Variants in GALNT16 observed in about 807,000 individuals in gnomAD.
GALNT16 encodes UDP-GalNAc:polypeptide N-acetylgalactosaminyltransferase-like protein 1.
In GALNT16, 40 loss-of-function variants were observed where a neutral mutation model predicts 76.1. The observed-to-expected ratio is 0.53, with a 90% confidence interval of 0.41 to 0.68. GALNT16 has a LOEUF of 0.68. Ranked by LOEUF, GALNT16 falls within the 30% of genes least tolerant of loss-of-function variation. The pLI is 0.00. For synonymous variants in GALNT16, 276 were observed against 285.2 expected (o/e 0.97, Z 0.32); for missense variants, 621 against 731.9 (o/e 0.85, Z 1.75).
At chr14:69,321,479 T>C (rs1014412496) in intron 2 of GALNT16, among the ~76,000 whole-genome samples, 3 of 152,140 alleles carry the variant, frequency 2.0e-5, no homozygotes, top group Non-Finnish European at 4.4e-5. Context: ...GTCTAGAGGG[T>C]GAAAGTCACC....
chr14:69,345,950 G>A (rs552410819), intron 12 of GALNT16, among the ~76,000 whole-genome samples: 7 of 152,158 alleles, frequency 4.6e-5, no homozygotes, highest in African/African-American at 1.7e-4. Flanking sequence ...TGCAGTGGTG[G>A]CATTATGGCT....
At chr14:69,277,084 G>A (rs1480473452) in intron 1 of GALNT16, among the ~76,000 whole-genome samples, 2 of 152,314 alleles carry the variant, frequency 1.3e-5, no homozygotes, top group East Asian at 1.9e-4. Flanking sequence ...CAAGAGAGAC[G>A]AGATCCCAGG....
intron 1 of GALNT16, among the ~76,000 whole-genome samples, chr14:69,313,465 G>A (rs2045056437): frequency 6.6e-6 from 1 of 152,204 alleles, no homozygotes; most frequent in Admixed American, 6.5e-5. Flanking sequence ...CCTTGGCCTA[G>A]CCTTAGGTAG....
chr14:69,341,671 C>T lies in GALNT16; in HGVS notation c.1188-10C>T, dbSNP rs370693031. On this transcript the variant is annotated splice_polypyrimidine_tract_variant and intron_variant, in intron 11 of 14. Transcript: ENST00000448469. The stretch of plus-strand genomic sequence containing the variant: ...GCAGGCCAAAGCCCAAGCCCTGCCT[C>T]CTCCTACAGTGTGGCTACGCGGATA... 177 of 1,601,802 alleles carry T rather than the reference C, an allele frequency of 1.1e-4. No individual in the cohort carries two copies. The African/African-American group carries it at 2.0e-3, about 18-fold the overall frequency.
chr14:69,311,970 A>C (rs2045027517), intron 1 of GALNT16, among the ~76,000 whole-genome samples: 1 of 152,056 alleles, frequency 6.6e-6, no homozygotes, highest in African/African-American at 2.4e-5. Flanking sequence ...TGGGAGGCCA[A>C]GGCAGGAGGA....
At chr14:69,305,142 T>C (rs1193973894) in intron 1 of GALNT16, among the ~76,000 whole-genome samples, 1 of 151,876 alleles carries the variant, frequency 6.6e-6, no homozygotes, top group African/African-American at 2.4e-5. Context: ...CTTTTTTTTT[T>C]TTTTATAATA....
At chr14:69,270,955 T>TGAA (rs72520608) in intron 1 of GALNT16, among the ~76,000 whole-genome samples, 113,276 of 151,814 alleles carry the variant, frequency 0.75, 43,932 homozygotes, top group East Asian at 1. Flanking sequence ...AGAGGCCGGA[T>TGAA]GAAGGAGAAC....
upstream of GALNT16, chr14:69,260,014 G>A (rs1391863690): frequency 5.6e-6 from 2 of 355,502 alleles, no homozygotes; most frequent in Non-Finnish European, 1.0e-5. Flanking sequence ...GTCAGCCGGC[G>A]GCGGCTGGAG....
chr14:69,333,943 C>T lies in GALNT16; in HGVS notation c.967+343C>T. ...CTTACACACGTGGCTGCTTCCCTAC[C>T]AGCAAGGCTGGGAGGTGTGTGGTAG... On this transcript the variant is annotated intron_variant, in intron 9 of 14. Transcript: ENST00000448469. This position sits in a 1 kb window ranked among gnomAD's most constrained non-coding sequence, Gnocchi z 4.2. Among the ~76,000 whole-genome samples the T allele has an allele frequency of 6.7e-6, 1 of 150,196 alleles. No homozygotes were observed. Among genetic ancestry groups the T allele is most frequent in the East Asian group, 2.0e-4 (1 of 4,922 alleles).
chr14:69,298,457 G>A (rs2044798939), intron 1 of GALNT16: 1 of 152,368 alleles, frequency 6.6e-6, no homozygotes. Context: ...CAACCTGTTG[G>A]TAGGGAATGA....
the GALNT16 span, among the ~76,000 whole-genome samples, chr14:69,380,949 G>C: frequency 3.3e-5 from 5 of 152,152 alleles, no homozygotes. Context: ...CTCCTACATA[G>C]TTTCTATTTT....
chr14:69,321,117 C>G (rs896742068), intron 2 of GALNT16, among the ~76,000 whole-genome samples: 3 of 152,184 alleles, frequency 2.0e-5, no homozygotes, highest in Non-Finnish European at 4.4e-5. Flanking sequence ...GGCGCCCCAG[C>G]AAAAGTGACC....
chr14:69,367,482 T>G, the GALNT16 span, among the ~76,000 whole-genome samples: 1 of 151,912 alleles, frequency 6.6e-6, no homozygotes, highest in African/African-American at 2.4e-5. Context: ...CACCAGCACC[T>G]AACCATCCTG....
chr14:69,271,300 T>G (rs1022686256), intron 1 of GALNT16, among the ~76,000 whole-genome samples: 1 of 152,028 alleles, frequency 6.6e-6, no homozygotes, highest in Non-Finnish European at 1.5e-5. Context: ...GGGGTGAGGA[T>G]GGGCTAGCTC....
chr14:69,328,702 T>C, intron 6 of GALNT16, 131 bp downstream of exon 6: 1 of 822,008 alleles, frequency 1.2e-6, no homozygotes, highest in Middle Eastern at 3.4e-4. Flanking sequence ...TACTTCCCCC[T>C]GAGTGACTTC....
intron 1 of GALNT16, among the ~76,000 whole-genome samples, chr14:69,286,318 T>C (rs2044611278): frequency 6.6e-6 from 1 of 151,936 alleles, no homozygotes. Flanking sequence ...TTTTTTTTTT[T>C]TGAGATGAAG....
chr14:69,364,757 C>T, the GALNT16 span, among the ~76,000 whole-genome samples: 1 of 152,118 alleles, frequency 6.6e-6, no homozygotes, highest in Non-Finnish European at 1.5e-5. The surrounding 1 kb of genome is among the most constrained non-coding windows in gnomAD (Gnocchi z 4.2). Flanking sequence ...TGCTTAGGAG[C>T]CACTCACATT....
intron 1 of GALNT16, among the ~76,000 whole-genome samples, chr14:69,316,208 GCTTGGTCCAC>G (rs2045098847): frequency 6.6e-6 from 1 of 152,212 alleles, no homozygotes; most frequent in African/African-American, 2.4e-5. Flanking sequence ...CCATACGCCG[GCTTGGTCCAC>G]CTCAGTCTCA....
At chr14:69,316,090 C>G (rs950601062) in intron 1 of GALNT16, among the ~76,000 whole-genome samples, 56 of 152,174 alleles carry the variant, frequency 3.7e-4, no homozygotes, top group Admixed American at 3.6e-3. Flanking sequence ...GGGTCTTGTG[C>G]TCACCCTTGT....
Sources: allele counts gnomAD v4.1 joint callset (sites outside exome capture counted in the v4.1 genomes callset), GRCh38; gene constraint gnomAD v4.1.1; non-coding constraint Gnocchi (gnomAD v3.1); transcripts MANE v1.5; gene names NCBI Gene and HGNC (gene_info 2026-07-23, HGNC 2026-07-21).